Variants in CHRNA7 observed in about 807,000 individuals in gnomAD.
CHRNA7 encodes cholinergic receptor nicotinic alpha 7 subunit, also known as neuronal acetylcholine receptor subunit alpha-7.
CHRNA7 carries 17 observed loss-of-function variants against 48.0 expected under a neutral mutation model. The observed-to-expected ratio is 0.35, with a 90% CI of 0.24 to 0.53. The LOEUF is 0.53. Among genes scored for constraint, CHRNA7 ranks in the 20% least tolerant of loss-of-function variants. The pLI, the probability that CHRNA7 is intolerant of heterozygous loss-of-function variation, is 0.92. For synonymous variants in CHRNA7, 75 were observed against 242.3 expected, an observed-to-expected ratio of 0.31 and a Z score of 6.41; for missense variants, 155 against 577.7, an observed-to-expected ratio of 0.27 and a Z score of 7.50.
intron 4 of CHRNA7, among the ~76,000 whole-genome samples, chr15:32,136,609 G>A (rs2141327671): frequency 6.6e-6 from 1 of 152,236 alleles, no homozygotes; most frequent in South Asian, 2.1e-4. Context: ...GACTCTGGAA[G>A]GCCATGGAGA....
chr15:32,136,218 C>T (rs1406132662), intron 4 of CHRNA7, among the ~76,000 whole-genome samples: 1 of 152,064 alleles, frequency 6.6e-6, no homozygotes, highest in Non-Finnish European at 1.5e-5. Flanking sequence ...GGACAGGGCG[C>T]AGGGGCTCAT....
intron 4 of CHRNA7, among the ~76,000 whole-genome samples, chr15:32,127,988 G>C (rs2051097154): frequency 6.6e-6 from 1 of 151,822 alleles, no homozygotes; most frequent in Non-Finnish European, 1.5e-5. Context: ...TCAATTTTTG[G>C]TATGATATCT....
chr15:32,124,382 A>C (rs2051029371), intron 4 of CHRNA7, among the ~76,000 whole-genome samples: 1 of 152,238 alleles, frequency 6.6e-6, no homozygotes, highest in Non-Finnish European at 1.5e-5. Flanking sequence ...TGCAAAAAAT[A>C]CAGTCAATGC....
intron 2 of CHRNA7, among the ~76,000 whole-genome samples, chr15:32,064,020 C>T (rs769718817): frequency 3.9e-5 from 6 of 152,294 alleles, no homozygotes; most frequent in Admixed American, 1.3e-4. Context: ...TACCCTTACA[C>T]TTGATGAATA....
intron 2 of CHRNA7, among the ~76,000 whole-genome samples, chr15:32,031,332 G>A (rs1901829445): frequency 6.6e-6 from 1 of 152,200 alleles, no homozygotes; most frequent in Non-Finnish European, 1.5e-5. Flanking sequence ...CAAGCATCCT[G>A]AGCTGGGACT....
intron 2 of CHRNA7, among the ~76,000 whole-genome samples, chr15:32,045,630 G>A (rs952058221): frequency 7.9e-5 from 12 of 151,212 alleles, no homozygotes; most frequent in Admixed American, 1.3e-4. Flanking sequence ...TCTCTCTCCC[G>A]GGTTCCAGTG....
chr15:32,166,284 G>A (rs1192005406), intron 9 of CHRNA7: 2 of 152,410 alleles, frequency 1.3e-5, no homozygotes, highest in African/African-American at 2.4e-5. Context: ...CTTGTCTCAT[G>A]AGCCTTGTAT....
intron 4 of CHRNA7, among the ~76,000 whole-genome samples, chr15:32,129,193 G>C (rs2141313707): frequency 6.6e-6 from 1 of 151,924 alleles, no homozygotes; most frequent in Non-Finnish European, 1.5e-5. Context: ...ATATTTATGA[G>C]AGAATGTGGT....
At position 32,043,841 on chromosome 15, in the gene CHRNA7, T is replaced by C. The variant is rs147070748; in HGVS notation, c.195+12804T>C. Among the ~76,000 whole-genome samples the C allele has an allele frequency of 4.9e-4, 74 of 152,332 alleles. No homozygotes were observed. The East Asian group carries it at 0.013, about 27-fold the overall frequency. ...ATTTTCCTTCTGCCCTTTAGACTTC[T>C]CTTTCTTGAGAGTCTGGAAGTAGCA... On this transcript the variant is annotated intron_variant, in intron 2 of 9. Coordinates refer to ENST00000306901, the MANE Select transcript of CHRNA7 (RefSeq NM_000746.6).
At chr15:32,127,397 C>T (rs1428064325) in intron 4 of CHRNA7, among the ~76,000 whole-genome samples, 1 of 152,138 alleles carries the variant, frequency 6.6e-6, no homozygotes, top group African/African-American at 2.4e-5. Flanking sequence ...CTGCCATACT[C>T]TTTTCCAGAG....
intron 2 of CHRNA7, among the ~76,000 whole-genome samples, chr15:32,091,864 T>C (rs1459565206): frequency 1.3e-5 from 2 of 152,240 alleles, no homozygotes; most frequent in Non-Finnish European, 2.9e-5. Context: ...TGTGCTTTCT[T>C]GTGAGCCAAA....
intron 4 of CHRNA7, among the ~76,000 whole-genome samples, chr15:32,143,825 A>G (rs942920764): frequency 6.6e-6 from 1 of 151,852 alleles, no homozygotes; most frequent in Non-Finnish European, 1.5e-5. Context: ...TGCATGTGAG[A>G]TGGGTCTCCT....
intron 2 of CHRNA7, among the ~76,000 whole-genome samples, chr15:32,053,331 C>T (rs1444341098): frequency 3.9e-5 from 6 of 152,104 alleles, no homozygotes; most frequent in African/African-American, 7.2e-5. Flanking sequence ...GGAAGGCCAA[C>T]GAAAATCTCT....
At chr15:32,141,257 C>T (rs1298466738) in intron 4 of CHRNA7, among the ~76,000 whole-genome samples, 2 of 152,086 alleles carry the variant, frequency 1.3e-5, no homozygotes, top group Non-Finnish European at 2.9e-5. Flanking sequence ...TTTCTGAGGC[C>T]TCTGTTCTCT....
At chr15:32,151,529 C>T (rs762160069) in intron 4 of CHRNA7, among the ~76,000 whole-genome samples, 31 of 151,810 alleles carry the variant, frequency 2.0e-4, no homozygotes, top group Non-Finnish European at 3.7e-4. Context: ...TAATTTTTTC[C>T]CTCCCACTCT....
At chr15:32,101,196 A>T in intron 2 of CHRNA7, 107 bp from the exon 3 acceptor site, 1 of 1,200,330 alleles carries the variant, frequency 8.3e-7, no homozygotes, top group Non-Finnish European at 1.2e-6. Context: ...TCTAATTTCC[A>T]CACACAACAA....
intron 2 of CHRNA7, among the ~76,000 whole-genome samples, chr15:32,068,731 A>AAAAAAAG (rs967511333): frequency 5.3e-5 from 8 of 152,178 alleles, no homozygotes; most frequent in African/African-American, 1.9e-4. Context: ...TCGGGGAAAA[A>AAAAAAAG]AAAAAAGAAA....
At chr15:32,033,413 C>T (rs1901937038) in intron 2 of CHRNA7, among the ~76,000 whole-genome samples, 1 of 152,216 alleles carries the variant, frequency 6.6e-6, no homozygotes, top group African/African-American at 2.4e-5. Flanking sequence ...CCCAAGGTCA[C>T]TCTGTGATTA....
intron 4 of CHRNA7, among the ~76,000 whole-genome samples, chr15:32,124,404 AAAG>A (rs2051029771): frequency 6.6e-6 from 1 of 152,248 alleles, no homozygotes; most frequent in Admixed American, 6.5e-5. Flanking sequence ...GATGAAAGTC[AAAG>A]GAGAAATTAA....
Sources: allele counts gnomAD v4.1 joint callset (sites outside exome capture counted in the v4.1 genomes callset), GRCh38; gene constraint gnomAD v4.1.1; transcripts MANE v1.5; gene names NCBI Gene and HGNC (gene_info 2026-07-23, HGNC 2026-07-21).